The following USP43 variants were observed in gnomAD, a reference collection of about 807,000 sequenced individuals.
USP43 encodes ubiquitin carboxyl-terminal hydrolase 43.
Under a neutral mutation model 90.7 loss-of-function variants are expected in USP43, and 33 were observed. The ratio of observed to expected loss-of-function variants is 0.36; its 90% CI spans 0.28 to 0.49. USP43 has a LOEUF of 0.49. USP43 is among the 20% of genes least tolerant of loss of function. The pLI, the probability that USP43 is intolerant of heterozygous loss-of-function variation, is 0.98. For missense variants in USP43, 1,274 were observed against 1,476.4 expected, an observed-to-expected ratio of 0.86 and a Z score of 2.25; for synonymous variants, 598 against 615.8, an observed-to-expected ratio of 0.97 and a Z score of 0.43.
intron 6 of USP43, among the ~76,000 whole-genome samples, chr17:9,682,364 T>C (rs1405381860): frequency 6.6e-6 from 1 of 152,132 alleles, no homozygotes; most frequent in Non-Finnish European, 1.5e-5. Context: ...GGTCAGGAGT[T>C]CAAGACCAGC....
chr17:9,705,932 G>A (rs1915850121), intron 12 of USP43, among the ~76,000 whole-genome samples: 1 of 152,164 alleles, frequency 6.6e-6, no homozygotes, highest in South Asian at 2.1e-4. Flanking sequence ...AAGATGTCCT[G>A]CACAAAGGGT....
chr17:9,679,556 C>T (rs1485310020), intron 5 of USP43, among the ~76,000 whole-genome samples: 2 of 128,350 alleles, frequency 1.6e-5, no homozygotes, highest in Admixed American at 1.7e-4. Context: ...GACGGAGTCT[C>T]GCTCTGTCGC....
At chr17:9,670,808 C>T (rs1309443061) in intron 3 of USP43, among the ~76,000 whole-genome samples, 1 of 152,048 alleles carries the variant, frequency 6.6e-6, no homozygotes, top group African/African-American at 2.4e-5. Context: ...GAGTAAGAGG[C>T]GAGGTGTTCA....
chr17:9,728,721 G>T lies in USP43; in HGVS notation c.3103G>T (p.Asp1035Tyr), dbSNP rs982720452. 5 of 1,601,844 alleles carry T rather than the reference G, an allele frequency of 3.1e-6. No individual in the cohort carries two copies. In the African/African-American group the frequency reaches 6.7e-5, roughly 21 times the overall value. The change falls in exon 15 of 15, where the codon GAC (aspartate) becomes TAC (tyrosine). Residue 1035 changes from aspartate to tyrosine, a missense_variant. By Grantham distance (160) the Asp-to-Tyr change is radical (BLOSUM62 -3). Around this residue, in one of 6 missense-constraint regions of USP43, gnomAD observed 353 missense variants for 329.7 expected, o/e 1.07. Transcript: ENST00000285199. The surrounding 1 kb of genome is among the most constrained non-coding windows in gnomAD (Gnocchi z 6.2). Reference protein sequence around the residue: ...LVSGGLSPAMDGQAPGSPPAL... With the variant: ...LVSGGLSPAMYGQAPGSPPAL... Reference sequence around the variant, plus strand: ...GAGTGGCGGGCTGAGCCCTGCCATGGACGGGCAGGCTCCAGGCTCACCTCC... The same window carrying T: ...GAGTGGCGGGCTGAGCCCTGCCATGTACGGGCAGGCTCCAGGCTCACCTCC...
chr17:9,710,108 A>G lies in USP43; in HGVS notation c.2164A>G (p.Met722Val), dbSNP rs988786668. 6 of 1,507,528 alleles carry G rather than the reference A, an allele frequency of 4.0e-6. No homozygotes were observed. Among genetic ancestry groups the G allele is most frequent in the Non-Finnish European group, 3.5e-6 (4 of 1,127,400 alleles). The allele number at this position is 1,507,528 out of a possible 1,614,324, so 93.4% of individuals were successfully genotyped here. A position where few individuals can be genotyped will look rare whatever the true frequency, so the allele number is the denominator to read the frequency against. Reference sequence around the variant, plus strand: ...CCCTCCCTGGTCAGCCAGCAGCTCCATGAGAGGTAGGTGCTGCTGCTCATG... The same window carrying G: ...CCCTCCCTGGTCAGCCAGCAGCTCCGTGAGAGGTAGGTGCTGCTGCTCATG... ...SIPPWSASSSMRGSTSSSLSD... is the reference protein window; with the variant it reads ...SIPPWSASSSVRGSTSSSLSD... The change falls in exon 13 of 15, where the codon ATG becomes GTG. Residue 722 changes from methionine to valine, a missense_variant. Physicochemically the swap from Met to Val is conservative, Grantham distance 21 (BLOSUM62 1). Coordinates refer to ENST00000285199, the MANE Select transcript of USP43 (RefSeq NM_153210.5).
rs1353156102 is a variant in USP43 at position 9,696,572 on chromosome 17, C to T, written c.1457+3342C>T. Among the ~76,000 whole-genome samples, 3 of 152,244 alleles carry T rather than the reference C, an allele frequency of 2.0e-5. No homozygotes were observed. In the East Asian group the frequency reaches 5.8e-4, roughly 29 times the overall value. The stretch of plus-strand genomic sequence containing the variant: ...TTAAATGCCTCATAGACACTGGTAA[C>T]TAAACACTTGCCAGTCTGAACTCTT... On this transcript the variant is annotated intron_variant, in intron 9 of 14. Transcript: ENST00000285199.
At chr17:9,661,908 C>T (rs989145875) in intron 2 of USP43, among the ~76,000 whole-genome samples, 8 of 152,032 alleles carry the variant, frequency 5.3e-5, no homozygotes, top group East Asian at 1.9e-4. Flanking sequence ...CAACAGCAAC[C>T]GACCTGAGCT....
rs909400635 is a variant in USP43 at position 9,709,390 on chromosome 17, C to T, written c.2012-566C>T. 6.6e-6 allele frequency among the ~76,000 whole-genome samples: 1 copy of T among 152,028 alleles called. No individual in the cohort carries two copies. The highest frequency in any genetic ancestry group is 6.5e-5 in the Admixed American group (1 of 15,268). Reference sequence around the variant, plus strand: ...AGCTCCCTTTTATTTGAGATTTTGCCTGATGAAGGGGTAGAATATTCAACT... The same window carrying T: ...AGCTCCCTTTTATTTGAGATTTTGCTTGATGAAGGGGTAGAATATTCAACT... On this transcript the variant is annotated intron_variant, in intron 12 of 14. Coordinates refer to ENST00000285199, the MANE Select transcript of USP43 (RefSeq NM_153210.5). The surrounding 1 kb of genome is among the most constrained non-coding windows in gnomAD (Gnocchi z 5.0).
chr17:9,664,902 G>A (rs775723590), intron 2 of USP43, among the ~76,000 whole-genome samples: 40 of 152,316 alleles, frequency 2.6e-4, no homozygotes, highest in Middle Eastern at 3.4e-3. Context: ...CTCCCAAAGT[G>A]CTGGGATTAC....
intron 4 of USP43, among the ~76,000 whole-genome samples, chr17:9,676,360 C>A (rs1223131414): frequency 6.6e-6 from 1 of 152,048 alleles, no homozygotes; most frequent in Non-Finnish European, 1.5e-5. Context: ...GAACTTGATC[C>A]ATTATCTTTC....
intron 5 of USP43, among the ~76,000 whole-genome samples, chr17:9,677,534 A>G (rs916914286): frequency 6.6e-6 from 1 of 152,208 alleles, no homozygotes; most frequent in Non-Finnish European, 1.5e-5. Context: ...AACGAGTCTT[A>G]GTAAAGCGAT....
intron 6 of USP43, among the ~76,000 whole-genome samples, chr17:9,681,305 G>GATAAATATATATAAATATATATATAA (rs925757940): frequency 2.2e-5 from 2 of 91,404 alleles, no homozygotes; most frequent in Non-Finnish European, 4.1e-5. Context: ...ATATAATATA[G>GATAAATATATATAAATATATATATAA]ATAAATATAT....
intron 1 of USP43, among the ~76,000 whole-genome samples, chr17:9,648,251 TC>T (rs1911595704): frequency 6.6e-6 from 1 of 152,190 alleles, no homozygotes; most frequent in South Asian, 2.1e-4. Context: ...GAGTGGAGGA[TC>T]CCAGAATCCA....
chr17:9,657,309 C>A (rs1597816732), intron 2 of USP43, among the ~76,000 whole-genome samples: 1 of 151,978 alleles, frequency 6.6e-6, no homozygotes, highest in African/African-American at 2.4e-5. Flanking sequence ...GAGTTCAAGA[C>A]CAGCCTGGCC....
chr17:9,667,531 A>G (rs1913118158), intron 3 of USP43, among the ~76,000 whole-genome samples: 1 of 152,268 alleles, frequency 6.6e-6, no homozygotes, highest in Non-Finnish European at 1.5e-5. Flanking sequence ...TCAATATTAT[A>G]ATGTTCAGTG....
Position 9,728,425 on chromosome 17 carries a change from T to C in USP43, c.2807T>C (p.Met936Thr), listed in dbSNP as rs375720001. ...AAGTTTGACCTGCCTCTCACTGTGATGCCTTCAGTGGAGCATGAGAAACCA... is the reference window on the plus strand; with the variant it reads ...AAGTTTGACCTGCCTCTCACTGTGACGCCTTCAGTGGAGCATGAGAAACCA... Reference protein sequence around the residue: ...PRKFDLPLTVMPSVEHEKPAR... With the variant: ...PRKFDLPLTVTPSVEHEKPAR... Residue 936 changes from methionine (M) to threonine (T), a missense_variant, in exon 15 of 15, where the codon ATG becomes ACG. Met to Thr is a moderately conservative substitution (Grantham distance 81). Around this residue, in one of 6 missense-constraint regions of USP43, gnomAD observed 353 missense variants for 329.7 expected, o/e 1.07. Coordinates refer to ENST00000285199, the MANE Select transcript of USP43 (RefSeq NM_153210.5). This position sits in a 1 kb window ranked among gnomAD's most constrained non-coding sequence, Gnocchi z 6.2. 3.2e-5 allele frequency: 52 copies of C among 1,611,166 alleles called. No individual in the cohort carries two copies. Among genetic ancestry groups the C allele is most frequent in the Non-Finnish European group, 4.4e-5 (52 of 1,178,780 alleles).
chr17:9,666,578 C>A (rs187901422), intron 2 of USP43, 70 bp from the exon 3 acceptor site: 4 of 1,295,862 alleles, frequency 3.1e-6, no homozygotes, highest in African/African-American at 1.5e-5. Context: ...AGCATGGGCT[C>A]GGTGGTCTGG....
chr17:9,713,341 G>A (rs530945604), intron 14 of USP43, among the ~76,000 whole-genome samples: 44 of 152,042 alleles, frequency 2.9e-4, no homozygotes, highest in Non-Finnish European at 6.0e-4. Flanking sequence ...TGCCTGCCTC[G>A]GCCTCCCAAA....
At chr17:9,669,144 G>A (rs374436021) in intron 3 of USP43, among the ~76,000 whole-genome samples, 6 of 152,168 alleles carry the variant, frequency 3.9e-5, no homozygotes, top group East Asian at 3.9e-4. Flanking sequence ...ACGCCCGGCC[G>A]GGCATCTGTC....
Sources: gnomAD v4.1 joint callset for allele counts (sites outside exome capture counted in the v4.1 genomes callset) on GRCh38, gnomAD v4.1.1 for gene constraint, gnomAD v4.1.1 regional missense constraint, Gnocchi (gnomAD v3.1) non-coding constraint, MANE v1.5 for transcripts, NCBI Gene and HGNC (gene_info 2026-07-23, HGNC 2026-07-21) for gene names.